The following PITPNA variants were observed in gnomAD, a reference collection of about 807,000 sequenced individuals.
PITPNA encodes the protein phosphatidylinositol transfer protein alpha isoform.
In PITPNA, 13 loss-of-function variants were observed where a neutral mutation model predicts 50.3. The ratio of observed to expected loss-of-function variants is 0.26; its 90% CI spans 0.17 to 0.41. The LOEUF is 0.41. Ranked by LOEUF, PITPNA falls within the 10% of genes least tolerant of loss-of-function variation. The probability of loss-of-function intolerance (pLI) is 1.00; values close to 1 mark genes in which losing one functional copy is unlikely to be tolerated. For synonymous variants in PITPNA, 120 were observed against 119.6 expected (o/e 1.00, Z -0.02); for missense variants, 207 against 333.4 (o/e 0.62, Z 2.95).
chr17:1,535,368 A>G, intron 8 of PITPNA, 73 bp downstream of exon 8: 1 of 1,503,036 alleles, frequency 6.7e-7, no homozygotes, highest in Non-Finnish European at 9.3e-7. Context: ...CACCCCAGCC[A>G]TGCCCCTCCT....
chr17:1,519,537 T>C lies in PITPNA; in HGVS notation c.*1024A>G, dbSNP rs1334342010. 6.5e-6 allele frequency: 1 copy of C among 152,674 alleles called. No individual in the cohort carries two copies. The highest frequency in any genetic ancestry group is 1.5e-5 in the Non-Finnish European group (1 of 68,060). 9.5% of individuals were successfully genotyped at this position (152,674 alleles called of 1,614,324 possible). On this transcript the variant is annotated 3_prime_UTR_variant, in exon 12 of 12. Transcript: ENST00000313486. ...TCCGGCAACTGGAGACGAGGGAACA[T>C]GTTCTGCTGGAAAAAGCTTTTTGCA...
intron 10 of PITPNA, among the ~76,000 whole-genome samples, chr17:1,522,837 C>CA (rs1398851059): frequency 6.6e-6 from 1 of 152,190 alleles, no homozygotes; most frequent in Non-Finnish European, 1.5e-5. Flanking sequence ...TGCTCGGATA[C>CA]AGAATGACTG....
chr17:1,535,811 T>C, intron 7 of PITPNA: 2 of 391,710 alleles, frequency 5.1e-6, no homozygotes, highest in Non-Finnish European at 9.4e-6. Context: ...ACTTTCAACC[T>C]GGGGTGAGCA....
chr17:1,545,793 A>G (rs1020847322), intron 4 of PITPNA, among the ~76,000 whole-genome samples: 1 of 152,162 alleles, frequency 6.6e-6, no homozygotes, highest in African/African-American at 2.4e-5. Context: ...CTGTGTACCC[A>G]GAACCCTGCC....
intron 7 of PITPNA, among the ~76,000 whole-genome samples, chr17:1,536,532 G>A (rs570100386): frequency 1.5e-4 from 22 of 151,556 alleles, no homozygotes; most frequent in African/African-American, 3.2e-4. Context: ...CTCGTGATCC[G>A]CCCACCTTGG....
At chr17:1,551,313 G>A (rs1454409636) in intron 3 of PITPNA, among the ~76,000 whole-genome samples, 1 of 150,432 alleles carries the variant, frequency 6.6e-6, no homozygotes, top group African/African-American at 2.4e-5. Context: ...TAAGAGACAG[G>A]CGGGATCTCA....
chr17:1,525,424 T>C (rs185542860), intron 10 of PITPNA, among the ~76,000 whole-genome samples: 1 of 152,280 alleles, frequency 6.6e-6, no homozygotes, highest in Non-Finnish European at 1.5e-5. Context: ...CACTTCAGAA[T>C]TGTATTCTAG....
intron 10 of PITPNA, among the ~76,000 whole-genome samples, chr17:1,533,788 C>T (rs923762458): frequency 6.6e-6 from 1 of 152,148 alleles, no homozygotes; most frequent in African/African-American, 2.4e-5. Flanking sequence ...AGCTCTGCAG[C>T]CCCGCACGCT....
chr17:1,554,441 G>T (rs755239450), intron 2 of PITPNA, among the ~76,000 whole-genome samples: 1 of 133,024 alleles, frequency 7.5e-6, no homozygotes, highest in Non-Finnish European at 1.6e-5. Context: ...ACAGTGGTGC[G>T]ATCTCAGGTC....
chr17:1,537,569 C>A (rs1205403909), intron 7 of PITPNA, among the ~76,000 whole-genome samples: 1 of 152,220 alleles, frequency 6.6e-6, no homozygotes. Context: ...TCCACTCACA[C>A]AGATCAACCA....
At chr17:1,561,472 A>C (rs773729270) in intron 1 of PITPNA, among the ~76,000 whole-genome samples, 4 of 151,996 alleles carry the variant, frequency 2.6e-5, no homozygotes, top group Non-Finnish European at 2.9e-5. Flanking sequence ...AATCCCCTAG[A>C]AACAAGCTGG....
At position 1,548,395 on chromosome 17, in the gene PITPNA, G is replaced by A. The variant is rs765364104; in HGVS notation, c.198-8C>T. 58 of 1,579,832 alleles carry A rather than the reference G, an allele frequency of 3.7e-5. No individual in the cohort carries two copies. Among genetic ancestry groups the A allele is most frequent in the Non-Finnish European group, 4.5e-5 (52 of 1,164,136 alleles). ...ACAAACGTGGGTACTTTGCTATAGC[G>A]GGGAAAAAAAGGGGTATAAAGAGAA... On this transcript the variant is annotated splice_polypyrimidine_tract_variant and splice_region_variant and intron_variant, in intron 3 of 11. Coordinates refer to ENST00000313486, the MANE Select transcript of PITPNA (RefSeq NM_006224.4).
intron 10 of PITPNA, among the ~76,000 whole-genome samples, chr17:1,531,350 G>A (rs771655481): frequency 1.3e-5 from 2 of 151,890 alleles, no homozygotes; most frequent in Non-Finnish European, 2.9e-5. Flanking sequence ...TGTAACTACC[G>A]AGTACCCTGA....
intron 10 of PITPNA, among the ~76,000 whole-genome samples, chr17:1,531,169 G>A (rs1238811308): frequency 6.6e-6 from 1 of 152,062 alleles, no homozygotes; most frequent in Non-Finnish European, 1.5e-5. Context: ...AAGTTAAAGC[G>A]AATCAATGGC....
In PITPNA at chr17:1,518,358, C is replaced by A. The variant is rs1487499723; in HGVS notation, c.*2203G>T. 6.6e-6 allele frequency: 1 copy of A among 152,654 alleles called. No individual in the cohort carries two copies. The highest frequency in any genetic ancestry group is 1.5e-5 in the Non-Finnish European group (1 of 68,074). 9.5% of individuals were successfully genotyped at this position (152,654 alleles called of 1,614,324 possible). On this transcript the variant is annotated 3_prime_UTR_variant, in exon 12 of 12. Coordinates refer to ENST00000313486, the MANE Select transcript of PITPNA (RefSeq NM_006224.4). The stretch of plus-strand genomic sequence containing the variant: ...GGGCATGGCACACACTCAGGTACTA[C>A]CCCTGGAGCTGAACCTTTATCATAA...
intron 9 of PITPNA, among the ~76,000 whole-genome samples, 185 bp downstream of exon 9, chr17:1,534,997 C>T (rs2075606815): frequency 6.6e-6 from 1 of 152,160 alleles, no homozygotes; most frequent in African/African-American, 2.4e-5. Flanking sequence ...CACACGCAGT[C>T]ACTGGGAAGG....
At chr17:1,542,367 C>T (rs1044181089) in intron 5 of PITPNA, among the ~76,000 whole-genome samples, 1 of 152,200 alleles carries the variant, frequency 6.6e-6, no homozygotes, top group African/African-American at 2.4e-5. Context: ...CCTTTCCCTC[C>T]AACTAGCCTG....
At chr17:1,540,349 C>A (rs2075641892) in intron 6 of PITPNA, among the ~76,000 whole-genome samples, 1 of 152,164 alleles carries the variant, frequency 6.6e-6, no homozygotes, top group Non-Finnish European at 1.5e-5. Flanking sequence ...TCTTGCTTGT[C>A]CCTCGTCCCC....
chr17:1,547,163 C>T (rs1471902550), intron 4 of PITPNA, among the ~76,000 whole-genome samples: 1 of 144,798 alleles, frequency 6.9e-6, no homozygotes, highest in South Asian at 2.2e-4. Context: ...AATTTGAAAC[C>T]AGCCTGGGCA....
Sources: allele counts gnomAD v4.1 joint callset (sites outside exome capture counted in the v4.1 genomes callset), GRCh38; gene constraint gnomAD v4.1.1; transcripts MANE v1.5; gene names NCBI Gene and HGNC (gene_info 2026-07-23, HGNC 2026-07-21).